The following TRAK1 variants were observed in gnomAD, a reference collection of about 807,000 sequenced individuals.
TRAK1 encodes trafficking kinesin protein 1.
TRAK1 carries 33 observed loss-of-function variants against 92.1 expected under a neutral mutation model. The ratio of observed to expected loss-of-function variants is 0.36; its 90% CI spans 0.27 to 0.48. The LOEUF is 0.48. TRAK1 is among the 20% of genes least tolerant of loss of function. The pLI is 0.99. For missense variants in TRAK1, 1,123 were observed against 1,257.9 expected, an observed-to-expected ratio of 0.89 and a Z score of 1.62; for synonymous variants, 521 against 517.3, an observed-to-expected ratio of 1.01 and a Z score of -0.10.
At chr3:42,028,818 T>A (rs910223495) in intron 1 of TRAK1, among the ~76,000 whole-genome samples, 7 of 152,164 alleles carry the variant, frequency 4.6e-5, no homozygotes, top group Non-Finnish European at 1.0e-4. Flanking sequence ...ATTCTGAGTA[T>A]GGAGGAAGCT....
rs1488906379 is a variant in TRAK1 at position 42,222,942 on chromosome 3, C to T, written c.2067C>T (p.Ser689=). The stretch of plus-strand genomic sequence containing the variant: ...AATAACCTGTCATTTCTTCTTTCAG[C>T]CTTAACTCAGCCCCAACTCCAGCTT... ...PSDELTRVTP[S]LNSAPTPACG... The change falls in exon 16 of 16, where the codon AGC becomes AGT. Residue 689 remains serine (S), a splice_region_variant and synonymous_variant. Coordinates refer to ENST00000327628, the MANE Select transcript of TRAK1 (RefSeq NM_001042646.3). 1 of 1,611,550 alleles carries T rather than the reference C, an allele frequency of 6.2e-7. No individual in the cohort carries two copies. Among genetic ancestry groups the T allele is most frequent in the Non-Finnish European group, 8.5e-7 (1 of 1,178,248 alleles).
chr3:42,187,095 C>A (rs758342512), intron 4 of TRAK1, among the ~76,000 whole-genome samples: 4 of 152,200 alleles, frequency 2.6e-5, no homozygotes, highest in African/African-American at 9.7e-5. Context: ...GCAAAGCCAT[C>A]TCAGCAGAAG....
At chr3:42,113,395 TACCTCTACCCCTACCC>T (rs1708744469) in intron 1 of TRAK1, among the ~76,000 whole-genome samples, 4 of 26,410 alleles carry the variant, frequency 1.5e-4, no homozygotes, top group Non-Finnish European at 3.0e-4. Flanking sequence ...CCCCTACCCC[TACCTCTACCCCTACCC>T]CTACCCCTAC....
intron 1 of TRAK1, among the ~76,000 whole-genome samples, chr3:42,018,173 T>C (rs1203860685): frequency 6.9e-6 from 1 of 145,720 alleles, no homozygotes; most frequent in Non-Finnish European, 1.5e-5. Flanking sequence ...GAGGCTGAGG[T>C]GGGAGAATCT....
chr3:42,213,309 G>A (rs1255356297), intron 14 of TRAK1, among the ~76,000 whole-genome samples: 6 of 152,088 alleles, frequency 3.9e-5, no homozygotes, highest in African/African-American at 1.4e-4. Flanking sequence ...TGACCGCCTC[G>A]ACCTCCCAAA....
At chr3:42,092,076 G>A (rs541412875) in intron 1 of TRAK1, among the ~76,000 whole-genome samples, 68 of 152,212 alleles carry the variant, frequency 4.5e-4, no homozygotes, top group Non-Finnish European at 7.5e-4. Flanking sequence ...CCTCTCTCCC[G>A]TTTCCCTCTC....
chr3:42,092,672 C>T (rs2148971347), intron 1 of TRAK1, among the ~76,000 whole-genome samples: 1 of 84,930 alleles, frequency 1.2e-5, no homozygotes, highest in South Asian at 3.8e-4. Flanking sequence ...AGAATTTGTT[C>T]CTTTTATTTT....
At chr3:42,098,308 A>C (rs1706242479) in intron 1 of TRAK1, among the ~76,000 whole-genome samples, 1 of 152,144 alleles carries the variant, frequency 6.6e-6, no homozygotes, top group South Asian at 2.1e-4. Flanking sequence ...GAGCTTCTTA[A>C]GTACAGGCAG....
At chr3:42,114,965 C>T (rs901856942) in intron 1 of TRAK1, among the ~76,000 whole-genome samples, 26 of 152,240 alleles carry the variant, frequency 1.7e-4, no homozygotes, top group Admixed American at 3.9e-4. Context: ...TGCCCGCCTC[C>T]GCTTACCAAA....
intron 1 of TRAK1, among the ~76,000 whole-genome samples, chr3:42,074,054 G>A (rs1704047007): frequency 1.3e-5 from 2 of 152,300 alleles, no homozygotes; most frequent in African/African-American, 2.4e-5. Context: ...ATGGTCAGTG[G>A]TCAAGGATCA....
chr3:42,150,472 G>A (rs547986604), intron 2 of TRAK1, among the ~76,000 whole-genome samples: 1 of 152,140 alleles, frequency 6.6e-6, no homozygotes, highest in South Asian at 2.1e-4. Context: ...ACAAAAAAGG[G>A]GCCCAATTAA....
At chr3:42,104,081 A>G (rs1201678337) in intron 1 of TRAK1, among the ~76,000 whole-genome samples, 3 of 152,216 alleles carry the variant, frequency 2.0e-5, no homozygotes, top group Non-Finnish European at 4.4e-5. Context: ...CTAGCACAGC[A>G]GTCTGAGATC....
intron 15 of TRAK1, 134 bp from the exon 16 acceptor site, chr3:42,222,808 G>T: frequency 1.2e-6 from 1 of 856,640 alleles, no homozygotes; most frequent in Non-Finnish European, 1.8e-6. Flanking sequence ...CAGAGCCTTT[G>T]GGGGCCTCAG....
upstream of TRAK1, among the ~76,000 whole-genome samples, chr3:42,086,311 C>CTTT (rs750932535): frequency 7.1e-6 from 1 of 140,478 alleles, no homozygotes; most frequent in Non-Finnish European, 1.5e-5. Flanking sequence ...CTTTTTCTTT[C>CTTT]TTTTTTTTTT....
intron 1 of TRAK1, among the ~76,000 whole-genome samples, chr3:42,028,427 A>G (rs2148888690): frequency 6.6e-6 from 1 of 152,324 alleles, no homozygotes; most frequent in Admixed American, 6.5e-5. Context: ...CTGAGTTATG[A>G]CAGTAAATGA....
chr3:42,057,282 A>G (rs1240826629), intron 1 of TRAK1, among the ~76,000 whole-genome samples: 2 of 152,308 alleles, frequency 1.3e-5, no homozygotes, highest in East Asian at 3.9e-4. Context: ...AGTTTTGTGC[A>G]ATTGTTTTCT....
chr3:42,031,994 G>C (rs764903092), intron 1 of TRAK1, among the ~76,000 whole-genome samples: 1 of 152,164 alleles, frequency 6.6e-6, no homozygotes, highest in Non-Finnish European at 1.5e-5. Flanking sequence ...GCGGGGAAGG[G>C]ATGGGGCATG....
intron 1 of TRAK1, among the ~76,000 whole-genome samples, chr3:42,118,060 C>T (rs1289068112): frequency 2.0e-5 from 3 of 151,646 alleles, no homozygotes; most frequent in East Asian, 3.9e-4. Flanking sequence ...CCTTGTGATC[C>T]GCCCACCTTG....
intron 1 of TRAK1, among the ~76,000 whole-genome samples, chr3:42,027,650 G>A (rs530755724): frequency 9.9e-5 from 15 of 151,972 alleles, no homozygotes; most frequent in African/African-American, 2.7e-4. Context: ...TTTTTAAAAA[G>A]CCCCAAACCT....
Sources: gnomAD v4.1 joint callset for allele counts (sites outside exome capture counted in the v4.1 genomes callset) on GRCh38, gnomAD v4.1.1 for gene constraint, MANE v1.5 for transcripts, NCBI Gene and HGNC (gene_info 2026-07-23, HGNC 2026-07-21) for gene names.